The following PRKAB1 variants were observed in gnomAD, a reference collection of about 807,000 sequenced individuals.
The protein encoded by PRKAB1 is 5'-AMP-activated protein kinase subunit beta-1.
PRKAB1 carries 18 observed loss-of-function variants against 32.0 expected under a neutral mutation model. The ratio of observed to expected loss-of-function variants is 0.56; its 90% CI spans 0.39 to 0.83. PRKAB1 has a LOEUF of 0.83. Among genes scored for constraint, PRKAB1 ranks in the 40% least tolerant of loss-of-function variants. The pLI is 0.00. For missense variants in PRKAB1, 263 were observed against 352.6 expected (o/e 0.75, Z 2.03); for synonymous variants, 141 against 141.4 (o/e 1.00, Z 0.02).
intron 1 of PRKAB1, chr12:119,671,689 C>T (rs1955389972): frequency 4.4e-6 from 1 of 224,844 alleles, no homozygotes; most frequent in African/African-American, 2.3e-5. Flanking sequence ...GGTGGGGACG[C>T]AGAGCCAAAC....
intron 1 of PRKAB1, among the ~76,000 whole-genome samples, chr12:119,670,572 G>A (rs917624253): frequency 2.6e-5 from 4 of 152,214 alleles, no homozygotes; most frequent in Admixed American, 1.3e-4. Flanking sequence ...CTGGTCCCAA[G>A]AAGGCTATTT....
At chr12:119,669,621 G>C (rs913100884) in intron 1 of PRKAB1, 1 of 150,256 alleles carries the variant, frequency 6.7e-6, no homozygotes, top group African/African-American at 2.5e-5. Flanking sequence ...CTGTTGCCCA[G>C]GCTGGAGGGC....
Position 119,668,308 on chromosome 12 carries a change from A to T in PRKAB1, c.64A>T (p.Arg22Trp). The stretch of plus-strand genomic sequence containing the variant: ...GCATGGTGGCCATAAGACGCCCCGG[A>T]GGGACAGCTCGGGGGGCACCAAGGA... Reference protein sequence around the residue: ...ERHGGHKTPRRDSSGGTKDGD... With the variant: ...ERHGGHKTPRWDSSGGTKDGD... Residue 22 changes from arginine (R) to tryptophan (W), a missense_variant, in exon 1 of 7, where the codon AGG (arginine) becomes TGG (tryptophan). Arg to Trp is a moderately radical substitution (Grantham distance 101, BLOSUM62 -3). Transcript: ENST00000229328. 2 of 1,612,616 alleles carry T rather than the reference A, an allele frequency of 1.2e-6. No homozygotes were observed. The highest frequency in any genetic ancestry group is 2.2e-5 in the South Asian group (2 of 90,820).
Position 119,680,417 on chromosome 12 carries a change from C to A in PRKAB1, c.*92C>A. 1.6e-6 allele frequency: 2 copies of A among 1,268,370 alleles called. No homozygotes were observed. The highest frequency in any genetic ancestry group is 2.3e-6 in the Non-Finnish European group (2 of 883,868). The allele number at this position is 1,268,370 out of a possible 1,614,324, so 78.6% of individuals were successfully genotyped here. A position where few individuals can be genotyped will look rare whatever the true frequency, so the allele number is the denominator to read the frequency against. Reference sequence around the variant, plus strand: ...CCAAGAGGGAATGGACTGTACATTGCTCATTTCACACTCTTCAGAAGACAT... The same window carrying A: ...CCAAGAGGGAATGGACTGTACATTGATCATTTCACACTCTTCAGAAGACAT... On this transcript the variant is annotated 3_prime_UTR_variant, in exon 7 of 7. Coordinates refer to ENST00000229328, the MANE Select transcript of PRKAB1 (RefSeq NM_006253.5).
chr12:119,674,205 G>A lies in PRKAB1; in HGVS notation c.418-135G>A. 9.9e-7 allele frequency: 1 copy of A among 1,011,518 alleles called. No homozygotes were observed. Among genetic ancestry groups the A allele is most frequent in the Non-Finnish European group, 1.5e-6 (1 of 671,362 alleles). 62.7% of individuals were successfully genotyped at this position (1,011,518 alleles called of 1,614,324 possible). ...GAGTAGCAGCACTACCTGTCAGACAGTTGGCATACTTGACCAAGATGAGCA... is the reference window on the plus strand; with the variant it reads ...GAGTAGCAGCACTACCTGTCAGACAATTGGCATACTTGACCAAGATGAGCA... On this transcript the variant is annotated intron_variant, in intron 3 of 6. Transcript: ENST00000229328. This position sits in a 1 kb window ranked among gnomAD's most constrained non-coding sequence, Gnocchi z 4.3.
intron 4 of PRKAB1, among the ~76,000 whole-genome samples, chr12:119,675,685 C>G (rs1955419379): frequency 6.6e-6 from 1 of 152,204 alleles, no homozygotes; most frequent in Non-Finnish European, 1.5e-5. Flanking sequence ...GCTCAGTTTT[C>G]TGCACTTCAT....
Position 119,679,658 on chromosome 12 carries a change from G to A in PRKAB1, c.667-275G>A. On this transcript the variant is annotated intron_variant, in intron 5 of 6. Transcript: ENST00000229328. This position sits in a 1 kb window ranked among gnomAD's most constrained non-coding sequence, Gnocchi z 4.1. ...TGCCCCACCCTCCATAAGAGGACAG[G>A]GCCGTGGCCCACACTTGAAAGAGGC... 4.3e-6 allele frequency: 2 copies of A among 463,716 alleles called. No homozygotes were observed. The highest frequency in any genetic ancestry group is 4.1e-5 in the South Asian group (2 of 48,710). The allele number at this position is 463,716 out of a possible 1,614,324, so 28.7% of individuals were successfully genotyped here. A position where few individuals can be genotyped will look rare whatever the true frequency, so the allele number is the denominator to read the frequency against.
chr12:119,677,123 T>C (rs1210042573), intron 5 of PRKAB1, among the ~76,000 whole-genome samples: 3 of 152,228 alleles, frequency 2.0e-5, no homozygotes, highest in Non-Finnish European at 4.4e-5. Flanking sequence ...AAGAAGTGTG[T>C]GTCCTCCTGG....
chr12:119,674,230 A>C lies in PRKAB1; in HGVS notation c.418-110A>C. The C allele has an allele frequency of 1.9e-6, 2 of 1,042,298 alleles. No individual in the cohort carries two copies. Among genetic ancestry groups the C allele is most frequent in the Non-Finnish European group, 2.9e-6 (2 of 693,870 alleles). The allele number at this position is 1,042,298 out of a possible 1,614,324, so 64.6% of individuals were successfully genotyped here. ...GTTGGCATACTTGACCAAGATGAGC[A>C]GGGTGGCTAGCCAGGAGATGAGGCC... On this transcript the variant is annotated intron_variant, in intron 3 of 6. Coordinates refer to ENST00000229328, the MANE Select transcript of PRKAB1 (RefSeq NM_006253.5). The surrounding 1 kb of genome is among the most constrained non-coding windows in gnomAD (Gnocchi z 4.3).
Position 119,680,353 on chromosome 12 carries a change from A to T in PRKAB1, c.*28A>T. The stretch of plus-strand genomic sequence containing the variant: ...AGCTGGGGGCGGATGGTGGCCCAGG[A>T]GACAGCACACCACCAGGCTCCACAC... On this transcript the variant is annotated 3_prime_UTR_variant, in exon 7 of 7. Coordinates refer to ENST00000229328, the MANE Select transcript of PRKAB1 (RefSeq NM_006253.5). 6.3e-7 allele frequency: 1 copy of T among 1,583,172 alleles called. No homozygotes were observed. The highest frequency in any genetic ancestry group is 8.7e-7 in the Non-Finnish European group (1 of 1,153,808).
intron 5 of PRKAB1, chr12:119,678,229 C>CA (rs1175347643): frequency 6.6e-6 from 1 of 152,212 alleles, no homozygotes; most frequent in Non-Finnish European, 1.5e-5. Flanking sequence ...ACTGTGGTTA[C>CA]AGTTGTCACT....
intron 4 of PRKAB1, among the ~76,000 whole-genome samples, chr12:119,675,451 T>C (rs1955417143): frequency 6.6e-6 from 1 of 152,188 alleles, no homozygotes; most frequent in Non-Finnish European, 1.5e-5. Flanking sequence ...ATCTAGTTTT[T>C]TTGCAGATAG....
At position 119,680,428 on chromosome 12, in the gene PRKAB1, C is replaced by G; in HGVS notation, c.*103C>G. 8.3e-7 allele frequency: 1 copy of G among 1,206,456 alleles called. No individual in the cohort carries two copies. The highest frequency in any genetic ancestry group is 1.2e-6 in the Non-Finnish European group (1 of 835,742). The allele number at this position is 1,206,456 out of a possible 1,614,324, so 74.7% of individuals were successfully genotyped here. On this transcript the variant is annotated 3_prime_UTR_variant, in exon 7 of 7. Coordinates refer to ENST00000229328, the MANE Select transcript of PRKAB1 (RefSeq NM_006253.5). ...TGGACTGTACATTGCTCATTTCACA[C>G]TCTTCAGAAGACATTTCATACCTGC... is the stretch of plus-strand genomic sequence containing the variant.
At position 119,676,615 on chromosome 12, in the gene PRKAB1, C is replaced by G; in HGVS notation, c.611C>G (p.Pro204Arg). The G allele has an allele frequency of 6.2e-7, 1 of 1,614,078 alleles. No homozygotes were observed. Among genetic ancestry groups the G allele is most frequent in the Non-Finnish European group, 8.5e-7 (1 of 1,179,980 alleles). ...CKPEERFRAP[P>R]ILPPHLLQVI... ...CCCGAAGAGCGCTTTCGGGCACCCC[C>G]TATTCTCCCCCCACATCTCCTCCAG... is the stretch of plus-strand genomic sequence containing the variant. Residue 204 changes from proline to arginine, a missense_variant, in exon 5 of 7, where the codon CCT becomes CGT. Transcript: ENST00000229328.
Position 119,674,366 on chromosome 12 carries a change from A to G in PRKAB1, c.444A>G (p.Thr148=). The change falls in exon 4 of 7, where the codon ACA becomes ACG. Residue 148 remains threonine, a synonymous_variant. Transcript: ENST00000229328. The surrounding 1 kb of genome is among the most constrained non-coding windows in gnomAD (Gnocchi z 4.3). ...CCATAGTAACCAGCCAGCTTGGCAC[A>G]GTTAACAACATCATTCAAGTGAAGA... ...SEPIVTSQLG[T]VNNIIQVKKT... 6.2e-7 allele frequency: 1 copy of G among 1,614,136 alleles called. No individual in the cohort carries two copies. Among genetic ancestry groups the G allele is most frequent in the Non-Finnish European group, 8.5e-7 (1 of 1,179,938 alleles).
At position 119,679,310 on chromosome 12, in the gene PRKAB1, C is replaced by A. The variant is rs144337439; in HGVS notation, c.667-623C>A. 0.012 allele frequency: 1,843 copies of A among 152,736 alleles called. 21 individuals are homozygous for A. Among genetic ancestry groups the A allele is most frequent in the Non-Finnish European group, 0.018 (1,248 of 68,400 alleles). 9.5% of individuals were successfully genotyped at this position (152,736 alleles called of 1,614,324 possible). On this transcript the variant is annotated intron_variant, in intron 5 of 6. Transcript: ENST00000229328. This position sits in a 1 kb window ranked among gnomAD's most constrained non-coding sequence, Gnocchi z 4.1. ...TTTGTTGACACAATGATTGGCCCAG[C>A]CTCTGGGATCCTAAGCCTACAGCAG...
In PRKAB1 at chr12:119,668,192, T is replaced by C; in HGVS notation, c.-53T>C. 1 of 1,493,710 alleles carries C rather than the reference T, an allele frequency of 6.7e-7. No individual in the cohort carries two copies. The highest frequency in any genetic ancestry group is 8.9e-7 in the Non-Finnish European group (1 of 1,128,022). 92.5% of individuals were successfully genotyped at this position (1,493,710 alleles called of 1,614,324 possible). A position where few individuals can be genotyped will look rare whatever the true frequency, so the allele number is the denominator to read the frequency against. ...CCGGGAGTCCCTTGCTCAGGGTCCC[T>C]TTCCTGCAGTGAGGCGCCGTCCGCC... is the stretch of plus-strand genomic sequence containing the variant. On this transcript the variant is annotated 5_prime_UTR_variant, in exon 1 of 7. Coordinates refer to ENST00000229328, the MANE Select transcript of PRKAB1 (RefSeq NM_006253.5).
intron 1 of PRKAB1, chr12:119,669,345 GC>G (rs1955368120): frequency 6.8e-6 from 1 of 147,420 alleles, no homozygotes; most frequent in Admixed American, 6.8e-5. Flanking sequence ...TCGGCTCACT[GC>G]AAGCTCCGCC....
At chr12:119,672,590 G>A (rs1955396348) in intron 2 of PRKAB1, 126 bp downstream of exon 2, 3 of 1,079,054 alleles carry the variant, frequency 2.8e-6, no homozygotes. Context: ...AAATAATTTT[G>A]CTTAATAAGT....
Sources: allele counts gnomAD v4.1 joint callset (sites outside exome capture counted in the v4.1 genomes callset), GRCh38; gene constraint gnomAD v4.1.1; non-coding constraint Gnocchi (gnomAD v3.1); transcripts MANE v1.5; gene names NCBI Gene and HGNC (gene_info 2026-07-23, HGNC 2026-07-21).